The following FSIP1 variants were observed in gnomAD, a reference collection of about 807,000 sequenced individuals.
FSIP1 encodes fibrous sheath-interacting protein 1.
A neutral mutation model predicts 60.9 loss-of-function variants in FSIP1; 65 were observed. The observed-to-expected ratio is 1.07, with a 90% CI of 0.87 to 1.31. The LOEUF is 1.31. FSIP1 is among the 40% of genes most tolerant of loss of function. FSIP1 has a pLI of 0.00. For synonymous variants in FSIP1, 209 were observed against 221.2 expected (o/e 0.94, Z 0.49); for missense variants, 675 against 665.5 (o/e 1.01, Z -0.16).
intron 10 of FSIP1, among the ~76,000 whole-genome samples, chr15:39,693,883 A>G (rs1894705682): frequency 6.6e-6 from 1 of 152,186 alleles, no homozygotes. Context: ...TAAGGTTTTC[A>G]TGAAGATGAA....
At chr15:39,732,780 TAAAGGA>T (rs375217851) in intron 8 of FSIP1, among the ~76,000 whole-genome samples, 23,765 of 152,094 alleles carry the variant, frequency 0.16, 2,058 homozygotes, top group African/African-American at 0.21. Flanking sequence ...GGGCACTTCA[TAAAGGA>T]AAGGGCACAT....
intron 5 of FSIP1, among the ~76,000 whole-genome samples, chr15:39,750,945 C>G (rs181792167): frequency 1.7e-4 from 26 of 151,832 alleles, no homozygotes; most frequent in Non-Finnish European, 3.2e-4. Context: ...AGCAAGAAAA[C>G]ATAGCCTGAT....
At chr15:39,759,476 T>C (rs1897416031) in intron 5 of FSIP1, among the ~76,000 whole-genome samples, 1 of 152,182 alleles carries the variant, frequency 6.6e-6, no homozygotes, top group African/African-American at 2.4e-5. Flanking sequence ...ACAATGTGGG[T>C]AAGAGTCTAA....
chr15:39,713,012 G>A (rs957942260), intron 10 of FSIP1, among the ~76,000 whole-genome samples: 1 of 152,108 alleles, frequency 6.6e-6, no homozygotes, highest in Non-Finnish European at 1.5e-5. Flanking sequence ...TTAGGATTAT[G>A]GATTATTATT....
rs1459910125 is a variant in FSIP1, at chr15:39,739,747, G to T, written c.698C>A (p.Ser233Ter). The T allele has an allele frequency of 6.3e-7, 1 of 1,591,272 alleles. No individual in the cohort carries two copies. The highest frequency in any genetic ancestry group is 2.3e-5 in the East Asian group (1 of 43,934). The change falls in exon 7 of 12, where the codon TCA becomes TAA. Residue 233 changes from serine (S) to a stop codon, truncating the protein, a stop_gained. Transcript: ENST00000350221. LOFTEE classifies it high-confidence loss of function. ...DVERNESLIK[S>*]GKKPFSNTEK... ...TGTATTCGAGAAAGGTTTCTTTCCT[G>T]ATTTGATCAATGACTCATTTCTTTC...
At chr15:39,666,006 T>C (rs1321707436) in intron 10 of FSIP1, among the ~76,000 whole-genome samples, 1 of 152,210 alleles carries the variant, frequency 6.6e-6, no homozygotes, top group Non-Finnish European at 1.5e-5. Context: ...GAATCTCACT[T>C]ACTTATTAAC....
At chr15:39,691,899 G>C (rs960196439) in intron 10 of FSIP1, among the ~76,000 whole-genome samples, 1 of 152,158 alleles carries the variant, frequency 6.6e-6, no homozygotes, top group African/African-American at 2.4e-5. Context: ...GATAGAGAGC[G>C]AGTGATAGAT....
intron 10 of FSIP1, among the ~76,000 whole-genome samples, chr15:39,632,178 TTTG>T (rs1006405087): frequency 2.0e-5 from 3 of 152,072 alleles, no homozygotes; most frequent in African/African-American, 4.8e-5. Flanking sequence ...TCTGATTTTC[TTTG>T]TTGTTGTTGT....
At chr15:39,759,084 T>A (rs567903064) in intron 5 of FSIP1, among the ~76,000 whole-genome samples, 1 of 152,002 alleles carries the variant, frequency 6.6e-6, no homozygotes, top group East Asian at 1.9e-4. Flanking sequence ...GAAAGGAAAA[T>A]ATATATTTTT....
chr15:39,690,449 C>T (rs947116103), intron 10 of FSIP1, among the ~76,000 whole-genome samples: 2 of 152,112 alleles, frequency 1.3e-5, no homozygotes, highest in East Asian at 1.9e-4. Flanking sequence ...AAAATATAGT[C>T]CAATCTCTTC....
rs1039207862 is a variant in FSIP1, at chr15:39,775,609, G to A, written c.126+790C>T. 5.3e-5 allele frequency among the ~76,000 whole-genome samples: 8 copies of A among 152,256 alleles called. No individual in the cohort carries two copies. In the South Asian group the frequency reaches 8.3e-4, roughly 16 times the overall value. ...ATGTCGAATTGTAATTCCCAGTGTC[G>A]GAGGAGGGGCCTGGTGGTAGGTGAC... is the stretch of plus-strand genomic sequence containing the variant. On this transcript the variant is annotated intron_variant, in intron 2 of 11. Coordinates refer to ENST00000350221, the MANE Select transcript of FSIP1 (RefSeq NM_152597.5).
chr15:39,762,815 A>T (rs1004396400), intron 5 of FSIP1, among the ~76,000 whole-genome samples: 3 of 152,200 alleles, frequency 2.0e-5, no homozygotes, highest in African/African-American at 7.2e-5. Context: ...CATGGACTCC[A>T]TCTCTAAATG....
chr15:39,764,975 C>A (rs1176573833), intron 4 of FSIP1, among the ~76,000 whole-genome samples: 1 of 152,154 alleles, frequency 6.6e-6, no homozygotes, highest in Admixed American at 6.5e-5. Flanking sequence ...TGGAGGGGCC[C>A]AGCACTTTAC....
intron 10 of FSIP1, among the ~76,000 whole-genome samples, chr15:39,687,126 CTTTT>C (rs1894403500): frequency 1.3e-5 from 1 of 74,958 alleles, no homozygotes; most frequent in Admixed American, 1.5e-4. Context: ...TTCTTTCTTT[CTTTT>C]CTTTTCCTTT....
chr15:39,655,226 CT>C (rs1483285001), intron 10 of FSIP1, among the ~76,000 whole-genome samples: 17 of 152,160 alleles, frequency 1.1e-4, no homozygotes, highest in Non-Finnish European at 2.4e-4. Context: ...CTATCATAGA[CT>C]TTGTCATATG....
intron 10 of FSIP1, among the ~76,000 whole-genome samples, chr15:39,622,932 A>G (rs1479564608): frequency 2.0e-5 from 3 of 152,032 alleles, no homozygotes; most frequent in African/African-American, 7.3e-5. Context: ...TATTGCCCAG[A>G]TTGGCTTTTG....
chr15:39,725,716 T>G (rs1896163166), intron 9 of FSIP1, among the ~76,000 whole-genome samples: 1 of 152,150 alleles, frequency 6.6e-6, no homozygotes, highest in Non-Finnish European at 1.5e-5. Flanking sequence ...CCAAACCAGA[T>G]TCCATGAAGT....
At chr15:39,709,264 G>A (rs1217613694) in intron 10 of FSIP1, among the ~76,000 whole-genome samples, 1 of 152,150 alleles carries the variant, frequency 6.6e-6, no homozygotes, top group African/African-American at 2.4e-5. Flanking sequence ...TCTTCCACCA[G>A]TAATCCTGAA....
At chr15:39,710,840 T>A (rs993445739) in intron 10 of FSIP1, among the ~76,000 whole-genome samples, 3 of 152,248 alleles carry the variant, frequency 2.0e-5, no homozygotes, top group African/African-American at 4.8e-5. Context: ...GATTAAATAC[T>A]TTAGTATCTG....
Sources: gnomAD v4.1 joint callset for allele counts (sites outside exome capture counted in the v4.1 genomes callset) on GRCh38, gnomAD v4.1.1 for gene constraint, MANE v1.5 for transcripts, NCBI Gene and HGNC (gene_info 2026-07-23, HGNC 2026-07-21) for gene names.